ZNF652: variants seen among roughly 807,000 people sequenced by gnomAD.
The protein encoded by ZNF652 is zinc finger protein 652.
In ZNF652, 16 loss-of-function variants were observed where a neutral mutation model predicts 45.2. That is an observed-to-expected ratio of 0.35 (90% CI 0.24 to 0.54). The LOEUF is 0.54. ZNF652 is among the 20% of genes least tolerant of loss of function. The pLI is 0.91. For missense variants in ZNF652, 614 were observed against 765.6 expected, an observed-to-expected ratio of 0.80 and a Z score of 2.34; for synonymous variants, 250 against 260.6, an observed-to-expected ratio of 0.96 and a Z score of 0.39.
Position 49,342,764 on chromosome 17 carries a change from C to T in ZNF652, c.-259+19145G>A, listed in dbSNP as rs560777767. 3.9e-5 allele frequency among the ~76,000 whole-genome samples: 6 copies of T among 152,246 alleles called. No individual in the cohort carries two copies. The South Asian group carries it at 1.2e-3, about 32-fold the overall frequency. On this transcript the variant is annotated intron_variant, in intron 1 of 5. Transcript: ENST00000430262. ...GATCTGCTTGTGAGGAGAAAACCCCCCTCAGTATCACATAAAAGTCTTAGC... is the reference window on the plus strand; with the variant it reads ...GATCTGCTTGTGAGGAGAAAACCCCTCTCAGTATCACATAAAAGTCTTAGC...
At chr17:49,329,993 C>T (rs1203927413) in intron 1 of ZNF652, among the ~76,000 whole-genome samples, 3 of 152,148 alleles carry the variant, frequency 2.0e-5, no homozygotes, top group African/African-American at 7.2e-5. Context: ...ACCACAGGAC[C>T]GACATGATCA....
At chr17:49,361,397 G>A (rs2070391619) in intron 1 of ZNF652, among the ~76,000 whole-genome samples, 1 of 152,190 alleles carries the variant, frequency 6.6e-6, no homozygotes, top group Admixed American at 6.5e-5. Flanking sequence ...ATTACCCACT[G>A]GGGTGAGTGT....
At chr17:49,348,444 C>T (rs1213426315) in intron 1 of ZNF652, among the ~76,000 whole-genome samples, 1 of 146,978 alleles carries the variant, frequency 6.8e-6, no homozygotes, top group Non-Finnish European at 1.5e-5. Flanking sequence ...CAAGACTGAG[C>T]CTCAGGCTGG....
At chr17:49,348,841 T>A (rs560918570) in intron 1 of ZNF652, among the ~76,000 whole-genome samples, 2 of 152,288 alleles carry the variant, frequency 1.3e-5, no homozygotes, top group East Asian at 3.9e-4. Context: ...ACTGCACTCA[T>A]CCTAGTGTGT....
At chr17:49,326,378 G>T (rs12948660) in intron 1 of ZNF652, among the ~76,000 whole-genome samples, 2 of 152,110 alleles carry the variant, frequency 1.3e-5, no homozygotes, top group East Asian at 1.9e-4. Flanking sequence ...AACCAGCTTG[G>T]GCTAAGAGAG....
At position 49,298,471 on chromosome 17, in the gene ZNF652, C is replaced by A. The variant is rs1352641082; in HGVS notation, c.1763G>T (p.Ser588Ile). ...KSEPLNHRGQ[S>I]EDNFLRHLAE... ...CAGGTGCCGCAGAAAGTTGTCCTCA[C>A]TCTGGCCTCTATGATTTAAAGGCTC... Residue 588 changes from serine to isoleucine, a missense_variant, in exon 6 of 6, where the codon AGT (serine) becomes ATT (isoleucine). By Grantham distance (142) the Ser-to-Ile change is moderately radical. Coordinates refer to ENST00000430262, the MANE Select transcript of ZNF652 (RefSeq NM_001145365.3). 6.2e-7 allele frequency: 1 copy of A among 1,613,062 alleles called. No individual in the cohort carries two copies. The highest frequency in any genetic ancestry group is 8.5e-7 in the Non-Finnish European group (1 of 1,180,004).
chr17:49,298,358 T>G lies in ZNF652; in HGVS notation c.*55A>C, dbSNP rs376533989. 4 of 1,604,744 alleles carry G rather than the reference T, an allele frequency of 2.5e-6. No homozygotes were observed. In the Admixed American group the frequency reaches 5.0e-5, roughly 20 times the overall value. ...AGGAAATGCTCACCGACTCCCTCTG[T>G]GCACGCTCACACATGGGGACGTGTC... is the stretch of plus-strand genomic sequence containing the variant. On this transcript the variant is annotated 3_prime_UTR_variant, in exon 6 of 6. Transcript: ENST00000430262.
At chr17:49,340,000 G>A (rs983924528) in intron 1 of ZNF652, among the ~76,000 whole-genome samples, 1 of 152,130 alleles carries the variant, frequency 6.6e-6, no homozygotes, top group Non-Finnish European at 1.5e-5. Flanking sequence ...TCAAAGTGCC[G>A]GGATTACAGG....
At position 49,317,039 on chromosome 17, in the gene ZNF652, C is replaced by T. The variant is rs1351314637; in HGVS notation, c.687G>A (p.Glu229=). The T allele has an allele frequency of 6.2e-7, 1 of 1,614,148 alleles. No homozygotes were observed. Among genetic ancestry groups the T allele is most frequent in the East Asian group, 2.2e-5 (1 of 44,874 alleles). The change falls in exon 2 of 6, where the codon GAG becomes GAA. Residue 229 remains glutamate, a synonymous_variant. Coordinates refer to ENST00000430262, the MANE Select transcript of ZNF652 (RefSeq NM_001145365.3). ...PPKRKKRATK[E]PKAPVQKAKC... is the part of the protein sequence containing the mutation. Reference sequence around the variant, plus strand: ...TAGCTTTCTGGACTGGTGCTTTGGGCTCCTTTGTGGCCCGCTTCTTACGCT... The same window carrying T: ...TAGCTTTCTGGACTGGTGCTTTGGGTTCCTTTGTGGCCCGCTTCTTACGCT...
chr17:49,340,945 G>C (rs941661964), intron 1 of ZNF652, among the ~76,000 whole-genome samples: 2 of 152,168 alleles, frequency 1.3e-5, no homozygotes, highest in Non-Finnish European at 2.9e-5. Flanking sequence ...GCCAGGTGCA[G>C]TGGCTTATAC....
In ZNF652 at chr17:49,338,185, T is replaced by TCAACA; in HGVS notation, c.-258-20203_-258-20202insTGTTG. On this transcript the variant is annotated intron_variant, in intron 1 of 5. Coordinates refer to ENST00000430262, the MANE Select transcript of ZNF652 (RefSeq NM_001145365.3). ...TTGGTAGAGACGGAGTCTTACTGTA[T>TCAACA]TGGTCTGCCCATGTTGGTCTTAAAC... Among the ~76,000 whole-genome samples the TCAACA allele has an allele frequency of 1.3e-5, 2 of 151,638 alleles. 1 individual carries two copies. Among genetic ancestry groups the TCAACA allele is most frequent in the South Asian group, 4.2e-4 (2 of 4,796 alleles).
In ZNF652 at chr17:49,317,716, T is replaced by C; in HGVS notation, c.10A>G (p.Thr4Ala). MSH[T>A]ASSCQELVEN... is the part of the protein sequence containing the mutation. ...ACCAGCTCCTGACAAGAACTGGCTG[T>C]GTGGCTCATTGGTAAGTGGCCCAAT... Residue 4 changes from threonine (T) to alanine (A), a missense_variant, in exon 2 of 6, where the codon ACA (threonine) becomes GCA (alanine). Physicochemically the swap from Thr to Ala is moderately conservative, Grantham distance 58. Coordinates refer to ENST00000430262, the MANE Select transcript of ZNF652 (RefSeq NM_001145365.3). The C allele has an allele frequency of 3.2e-6, 5 of 1,584,414 alleles. No homozygotes were observed. The highest frequency in any genetic ancestry group is 4.3e-6 in the Non-Finnish European group (5 of 1,160,476).
intron 2 of ZNF652, among the ~76,000 whole-genome samples, chr17:49,313,225 G>A (rs1052101392): frequency 2.0e-5 from 3 of 152,074 alleles, no homozygotes; most frequent in African/African-American, 7.2e-5. Context: ...GCGCGATCTA[G>A]GCTCACTGCA....
chr17:49,358,923 C>T (rs896360334), intron 1 of ZNF652, among the ~76,000 whole-genome samples: 3 of 152,170 alleles, frequency 2.0e-5, no homozygotes, highest in Admixed American at 6.6e-5. Context: ...GCTGGCACCA[C>T]TACTCCTTAA....
At chr17:49,310,856 C>T (rs935854394) in intron 5 of ZNF652, among the ~76,000 whole-genome samples, 2 of 152,148 alleles carry the variant, frequency 1.3e-5, no homozygotes, top group African/African-American at 2.4e-5. Flanking sequence ...GAGCTGAGAT[C>T]GCGCCACTGC....
Position 49,344,590 on chromosome 17 carries a change from G to A in ZNF652, c.-259+17319C>T, listed in dbSNP as rs76661286. Among the ~76,000 whole-genome samples the A allele has an allele frequency of 5.9e-3, 863 of 146,630 alleles. 27 individuals are homozygous for A. The East Asian group carries it at 0.059, about 10-fold the overall frequency. On this transcript the variant is annotated intron_variant, in intron 1 of 5. Coordinates refer to ENST00000430262, the MANE Select transcript of ZNF652 (RefSeq NM_001145365.3). ...GGCTGGAGTGCAGTGGTGCAATCTC[G>A]GCTCACTGCAACCTCTGCCTCCCGG...
At position 49,317,794 on chromosome 17, in the gene ZNF652, A is replaced by G; in HGVS notation, c.-69T>C. The G allele has an allele frequency of 7.0e-7, 1 of 1,426,702 alleles. No individual in the cohort carries two copies. Among genetic ancestry groups the G allele is most frequent in the Non-Finnish European group, 9.3e-7 (1 of 1,074,596 alleles). 88.4% of individuals were successfully genotyped at this position (1,426,702 alleles called of 1,614,324 possible). A position where few individuals can be genotyped will look rare whatever the true frequency, so the allele number is the denominator to read the frequency against. On this transcript the variant is annotated 5_prime_UTR_variant, in exon 2 of 6. Coordinates refer to ENST00000430262, the MANE Select transcript of ZNF652 (RefSeq NM_001145365.3). ...ATAGCTTTAAAACAAGGTAATTATTAAGACTCAAATCTTTTCTCATCCACA... is the reference window on the plus strand; with the variant it reads ...ATAGCTTTAAAACAAGGTAATTATTGAGACTCAAATCTTTTCTCATCCACA...
In ZNF652 at chr17:49,311,982, A is replaced by G; in HGVS notation, c.1109T>C (p.Met370Thr). 6.2e-7 allele frequency: 1 copy of G among 1,614,028 alleles called. No individual in the cohort carries two copies. Among genetic ancestry groups the G allele is most frequent in the Non-Finnish European group, 8.5e-7 (1 of 1,179,928 alleles). Reference protein sequence around the residue: ...ETCGKSFKRSMSLKVHSLQHS... With the variant: ...ETCGKSFKRSTSLKVHSLQHS... ...CTGCAAGGAGTGCACCTTGAGTGACATACTGCGTTTGAATGATTTTCCACA... is the reference window on the plus strand; with the variant it reads ...CTGCAAGGAGTGCACCTTGAGTGACGTACTGCGTTTGAATGATTTTCCACA... Residue 370 changes from methionine (M) to threonine (T), a missense_variant, in exon 4 of 6, where the codon ATG (methionine) becomes ACG (threonine). Met to Thr is a moderately conservative substitution (Grantham distance 81). Around this residue, in one of 5 missense-constraint regions of ZNF652, gnomAD observed 262 missense variants for 306.3 expected, o/e 0.86. Transcript: ENST00000430262.
intron 1 of ZNF652, among the ~76,000 whole-genome samples, chr17:49,335,951 T>C (rs1051505911): frequency 6.6e-6 from 1 of 152,268 alleles, no homozygotes; most frequent in Middle Eastern, 3.4e-3. Context: ...AGAAAGCATT[T>C]AAGGCAATAT....
Sources: allele counts gnomAD v4.1 joint callset (sites outside exome capture counted in the v4.1 genomes callset), GRCh38; gene constraint gnomAD v4.1.1; regional missense constraint gnomAD v4.1.1; transcripts MANE v1.5; gene names NCBI Gene and HGNC (gene_info 2026-07-23, HGNC 2026-07-21).